Variants in EIF3B observed in about 807,000 individuals in gnomAD.
EIF3B encodes eukaryotic translation initiation factor 3 subunit B.
EIF3B carries 10 observed loss-of-function variants against 104.6 expected under a neutral mutation model. The observed-to-expected ratio is 0.10, with a 90% CI of 0.06 to 0.16. The LOEUF (loss-of-function observed/expected upper bound fraction) is 0.16. EIF3B is among the 10% of genes least tolerant of loss of function. The pLI, the probability that EIF3B is intolerant of heterozygous loss-of-function variation, is 1.00. For missense variants in EIF3B, 1,014 were observed against 1,087.9 expected (o/e 0.93, Z 0.96); for synonymous variants, 542 against 417.2 (o/e 1.30, Z -3.65).
chr7:2,356,283 G>A (rs1266844480), intron 1 of EIF3B, among the ~76,000 whole-genome samples: 1 of 152,174 alleles, frequency 6.6e-6, no homozygotes, highest in Non-Finnish European at 1.5e-5. Context: ...GGAATAACAT[G>A]GAGTTGCCAA....
chr7:2,380,392 C>T lies in EIF3B; in HGVS notation c.*203C>T, dbSNP rs201303353. 8.3e-5 allele frequency: 43 copies of T among 518,686 alleles called. No homozygotes were observed. Among genetic ancestry groups the T allele is most frequent in the Non-Finnish European group, 1.1e-4 (29 of 259,744 alleles). 32.1% of individuals were successfully genotyped at this position (518,686 alleles called of 1,614,324 possible). ...TGACTGCGCCTGGATTCTGCCATTG[C>T]GACACATTTTTGTGCCTTTCAGCCC... On this transcript the variant is annotated 3_prime_UTR_variant, in exon 19 of 19. Coordinates refer to ENST00000360876, the MANE Select transcript of EIF3B (RefSeq NM_001037283.2).
intron 14 of EIF3B, 124 bp downstream of exon 14, chr7:2,375,651 C>T: frequency 7.1e-7 from 1 of 1,413,658 alleles, no homozygotes; most frequent in South Asian, 1.3e-5. Flanking sequence ...TGAACAGAAG[C>T]CTTGGCTGGT....
At chr7:2,361,265 A>G (rs1362429399) in intron 2 of EIF3B, among the ~76,000 whole-genome samples, 2 of 152,190 alleles carry the variant, frequency 1.3e-5, no homozygotes, top group Non-Finnish European at 2.9e-5. Flanking sequence ...TCTAAAATAA[A>G]TAAATAAAGT....
chr7:2,375,798 C>T (rs1289983154), intron 14 of EIF3B, among the ~76,000 whole-genome samples: 1 of 152,200 alleles, frequency 6.6e-6, no homozygotes, highest in East Asian at 1.9e-4. Context: ...GTGAGAATGT[C>T]TGCAGAGAGG....
At position 2,363,641 on chromosome 7, in the gene EIF3B, C is replaced by A. The variant is rs768472131; in HGVS notation, c.880C>A (p.Arg294Ser). ...TGTCTTTGTTTTTAAGGGGAACTTA[C>A]GTTACTGGCTTGAAGAGGCAGAATG... ...KQPFKDLGNL[R>S]YWLEEAECRD... is the part of the protein sequence containing the mutation. Residue 294 changes from arginine to serine, a missense_variant, in exon 5 of 19, where the codon CGT becomes AGT. Physicochemically the swap from Arg to Ser is moderately radical, Grantham distance 110. Coordinates refer to ENST00000360876, the MANE Select transcript of EIF3B (RefSeq NM_001037283.2). The A allele has an allele frequency of 1.9e-6, 3 of 1,600,328 alleles. No homozygotes were observed. Among genetic ancestry groups the A allele is most frequent in the East Asian group, 2.2e-5 (1 of 44,828 alleles).
chr7:2,371,088 T>G (rs538948081), intron 10 of EIF3B, among the ~76,000 whole-genome samples: 1 of 152,166 alleles, frequency 6.6e-6, no homozygotes, highest in African/African-American at 2.4e-5. Context: ...AATAAATGTT[T>G]TTGTCACCCT....
At position 2,366,389 on chromosome 7, in the gene EIF3B, T is replaced by C. The variant is rs761341411; in HGVS notation, c.1230T>C (p.Leu410=). 1.6e-5 allele frequency: 26 copies of C among 1,614,020 alleles called. No homozygotes were observed. Among genetic ancestry groups the C allele is most frequent in the Non-Finnish European group, 2.1e-5 (25 of 1,180,004 alleles). The change falls in exon 7 of 19, where the codon CTT becomes CTC. Residue 410 remains leucine, a synonymous_variant. Coordinates refer to ENST00000360876, the MANE Select transcript of EIF3B (RefSeq NM_001037283.2). ...AGGCCATAATCATCTGGGACATCCT[T>C]ACGGGGCACAAGAAGAGGGGTTTTC... ...DPQAIIIWDI[L]TGHKKRGFHC... is the part of the protein sequence containing the mutation.
At chr7:2,368,480 G>A (rs1780150359) in intron 9 of EIF3B, among the ~76,000 whole-genome samples, 1 of 152,220 alleles carries the variant, frequency 6.6e-6, no homozygotes, top group South Asian at 2.1e-4. Flanking sequence ...CACAAGGATG[G>A]AGGCTTGAGT....
chr7:2,355,435 G>C lies in EIF3B; in HGVS notation c.499+15G>C. On this transcript the variant is annotated intron_variant, in intron 1 of 18. Transcript: ENST00000360876. ...GAGCGAGGAAGGTGAGGGCGCCCGG[G>C]GCGGGGCTGGCGAGCGGCGCGGGAG... 1 of 1,419,928 alleles carries C rather than the reference G, an allele frequency of 7.0e-7. No homozygotes were observed. The highest frequency in any genetic ancestry group is 2.9e-5 in the East Asian group (1 of 34,480). The allele number at this position is 1,419,928 out of a possible 1,614,324, so 88.0% of individuals were successfully genotyped here.
At chr7:2,363,203 A>G (rs1020316329) in intron 4 of EIF3B, 76 bp downstream of exon 4, 92 of 1,443,172 alleles carry the variant, frequency 6.4e-5, no homozygotes, top group Middle Eastern at 5.2e-4. Flanking sequence ...CTGCAATCCC[A>G]GCACTTAGGG....
intron 3 of EIF3B, 21 bp from the exon 4 acceptor site, chr7:2,363,049 G>C: frequency 1.2e-6 from 2 of 1,613,840 alleles, no homozygotes; most frequent in Non-Finnish European, 1.7e-6. Flanking sequence ...GTGGGGCTCA[G>C]CAGTCTCCTT....
Position 2,371,782 on chromosome 7 carries a change from T to G in EIF3B, c.1620T>G (p.Val540=), listed in dbSNP as rs77573843. 1.5e-4 allele frequency: 237 copies of G among 1,613,248 alleles called. No individual in the cohort carries two copies. In the African/African-American group the frequency reaches 2.9e-3, roughly 20 times the overall value. ...VDRTPKGTQG[V]VTNFEIFRMR... is the part of the protein sequence containing the mutation. ...TCCCCCTTTTTTTTAAACAGGGTGT[T>G]GTCACAAATTTTGAAATTTTCCGAA... The change falls in exon 11 of 19, where the codon GTT becomes GTG. Residue 540 remains valine (V), a synonymous_variant. Coordinates refer to ENST00000360876, the MANE Select transcript of EIF3B (RefSeq NM_001037283.2).
upstream of EIF3B, chr7:2,354,751 G>C (rs1037213551): frequency 2.4e-5 from 11 of 453,816 alleles, no homozygotes; most frequent in East Asian, 6.7e-4. Context: ...GTCCTCTCAG[G>C]GTCGTTCGTG....
At chr7:2,361,739 C>T (rs866252945) in intron 2 of EIF3B, among the ~76,000 whole-genome samples, 1 of 151,922 alleles carries the variant, frequency 6.6e-6, no homozygotes, top group Non-Finnish European at 1.5e-5. Context: ...TCTTTCTAAT[C>T]TTGCCTGTAA....
rs764337104 is a variant in EIF3B at position 2,364,343 on chromosome 7, A to G, written c.1000-29A>G. The G allele has an allele frequency of 6.4e-6, 10 of 1,557,694 alleles. No individual in the cohort carries two copies. In the African/African-American group the frequency reaches 8.4e-5, roughly 13 times the overall value. ...GTCTTTGTGTTTGCCATTTTGTTGT[A>G]TTAACGTTGGCACTGCCTTTTTCTG... On this transcript the variant is annotated intron_variant, in intron 5 of 18. Transcript: ENST00000360876.
At chr7:2,357,497 G>C (rs1359617350) in intron 1 of EIF3B, among the ~76,000 whole-genome samples, 2 of 152,214 alleles carry the variant, frequency 1.3e-5, no homozygotes, top group Non-Finnish European at 2.9e-5. Context: ...GCAGGCCAGA[G>C]GTGGCCTGGA....
intron 10 of EIF3B, among the ~76,000 whole-genome samples, chr7:2,369,968 G>A: frequency 6.6e-6 from 1 of 151,592 alleles, no homozygotes; most frequent in Non-Finnish European, 1.5e-5. Flanking sequence ...TTAGAGACAG[G>A]GTTTCACCAT....
rs372630625 is a variant in EIF3B at position 2,378,191 on chromosome 7, G to T, written c.2155-498G>T. The T allele has an allele frequency of 3.4e-3, 243 of 71,348 alleles. 1 individual carries two copies. The highest frequency in any genetic ancestry group is 0.012 in the Middle Eastern group (1 of 84). The allele number at this position is 71,348 out of a possible 1,614,324, so 4.4% of individuals were successfully genotyped here. ...CAAGGAGGAAGGAGCAGGCGCGAGC[G>T]CTCCTGGGAAGCCGTGTTGTGTGAA... On this transcript the variant is annotated intron_variant, in intron 15 of 18. Coordinates refer to ENST00000360876, the MANE Select transcript of EIF3B (RefSeq NM_001037283.2).
intron 13 of EIF3B, 131 bp from the exon 14 acceptor site, chr7:2,375,258 T>C: frequency 8.8e-7 from 1 of 1,137,074 alleles, no homozygotes; most frequent in Non-Finnish European, 1.3e-6. Flanking sequence ...CCAGAGGCTG[T>C]TGCTGTGCTT....
Sources: gnomAD v4.1 joint callset for allele counts (sites outside exome capture counted in the v4.1 genomes callset) on GRCh38, gnomAD v4.1.1 for gene constraint, MANE v1.5 for transcripts, NCBI Gene and HGNC (gene_info 2026-07-23, HGNC 2026-07-21) for gene names.